Variants in CRIM1 observed in about 807,000 individuals in gnomAD.
The protein encoded by CRIM1 is cysteine-rich motor neuron 1 protein.
Under a neutral mutation model 116.4 loss-of-function variants are expected in CRIM1, and 32 were observed. That is an observed-to-expected ratio of 0.27 (90% CI 0.21 to 0.37). The LOEUF is 0.37. Among genes scored for constraint, CRIM1 ranks in the 10% least tolerant of loss-of-function variants. CRIM1 has a pLI of 1.00. For missense variants in CRIM1, 1,331 were observed against 1,354.8 expected (o/e 0.98, Z 0.28); for synonymous variants, 590 against 509.2 (o/e 1.16, Z -2.13).
chr2:36,542,352 GAT>G (rs1368754040), intron 14 of CRIM1, among the ~76,000 whole-genome samples: 4 of 152,232 alleles, frequency 2.6e-5, no homozygotes, highest in Non-Finnish European at 1.5e-5. Context: ...ACCATAGACA[GAT>G]CCTTCTAACT....
chr2:36,489,896 A>G (rs72866831), intron 7 of CRIM1, among the ~76,000 whole-genome samples: 198 of 152,334 alleles, frequency 1.3e-3, no homozygotes, highest in African/African-American at 4.6e-3. Flanking sequence ...TCTTGGAGAC[A>G]TCATAGACAT....
At chr2:36,468,234 T>A (rs1022703373) in intron 5 of CRIM1, among the ~76,000 whole-genome samples, 2 of 152,218 alleles carry the variant, frequency 1.3e-5, no homozygotes, top group African/African-American at 4.8e-5. Flanking sequence ...ATCCATATGC[T>A]TATGTTTTTT....
intron 1 of CRIM1, among the ~76,000 whole-genome samples, chr2:36,363,902 C>G (rs148443616): frequency 2.0e-5 from 3 of 152,272 alleles, no homozygotes; most frequent in African/African-American, 7.2e-5. Flanking sequence ...CTAGGCAAAA[C>G]CAGAAGTCAG....
chr2:36,361,004 C>A (rs1055840997), intron 1 of CRIM1, among the ~76,000 whole-genome samples: 2 of 151,990 alleles, frequency 1.3e-5, no homozygotes, highest in Non-Finnish European at 2.9e-5. Flanking sequence ...GAGAAACCAA[C>A]GAAGTAAACA....
At chr2:36,425,847 T>C (rs568599325) in intron 2 of CRIM1, among the ~76,000 whole-genome samples, 1 of 152,316 alleles carries the variant, frequency 6.6e-6, no homozygotes, top group South Asian at 2.1e-4. Flanking sequence ...TTGCAATTCA[T>C]TGCTTTAACA....
intron 8 of CRIM1, among the ~76,000 whole-genome samples, chr2:36,506,133 G>GCGCA (rs1553326535): frequency 7.3e-6 from 1 of 136,422 alleles, no homozygotes; most frequent in Non-Finnish European, 1.5e-5. Context: ...ATTGCAGGGT[G>GCGCA]CACACACACA....
At chr2:36,380,915 C>T (rs548901119) in intron 1 of CRIM1, among the ~76,000 whole-genome samples, 11 of 152,226 alleles carry the variant, frequency 7.2e-5, no homozygotes, top group Non-Finnish European at 1.5e-4. Context: ...ACCATGTCTG[C>T]AGTTATGGCC....
At chr2:36,415,410 T>C (rs1673536877) in intron 2 of CRIM1, among the ~76,000 whole-genome samples, 1 of 152,234 alleles carries the variant, frequency 6.6e-6, no homozygotes, top group Non-Finnish European at 1.5e-5. Context: ...AGCTCTTGGT[T>C]ACAGCTCTTC....
intron 1 of CRIM1, among the ~76,000 whole-genome samples, chr2:36,388,282 T>A (rs1053084958): frequency 6.6e-6 from 1 of 152,168 alleles, no homozygotes. Flanking sequence ...TCCTGGAAAG[T>A]GATATTTATT....
intron 4 of CRIM1, among the ~76,000 whole-genome samples, chr2:36,447,936 C>G (rs1269328543): frequency 6.6e-6 from 1 of 152,234 alleles, no homozygotes; most frequent in Non-Finnish European, 1.5e-5. Flanking sequence ...GTTAAGCCCC[C>G]TGTGTGCCCA....
intron 1 of CRIM1, among the ~76,000 whole-genome samples, chr2:36,387,181 C>G (rs1402972040): frequency 6.6e-6 from 1 of 152,182 alleles, no homozygotes; most frequent in Non-Finnish European, 1.5e-5. Flanking sequence ...TAAAGCACCT[C>G]TGTAGGAGGA....
At chr2:36,546,261 ATG>A (rs1667317623) in intron 15 of CRIM1, among the ~76,000 whole-genome samples, 1 of 152,206 alleles carries the variant, frequency 6.6e-6, no homozygotes. Context: ...CCCTATTGGT[ATG>A]TGTTTAACCT....
intron 11 of CRIM1, among the ~76,000 whole-genome samples, chr2:36,515,912 C>G (rs867700): frequency 0.012 from 1,845 of 152,290 alleles, 42 homozygotes; most frequent in African/African-American, 0.043. Flanking sequence ...CTTTTTGTTT[C>G]TCTGTAAACC....
At chr2:36,417,374 AT>A (rs1030106956) in intron 2 of CRIM1, among the ~76,000 whole-genome samples, 1 of 152,064 alleles carries the variant, frequency 6.6e-6, no homozygotes, top group Admixed American at 6.6e-5. Context: ...ACATATTTCA[AT>A]TTTTTACTCA....
chr2:36,379,535 C>T (rs1670569691), intron 1 of CRIM1, among the ~76,000 whole-genome samples: 1 of 152,146 alleles, frequency 6.6e-6, no homozygotes, highest in African/African-American at 2.4e-5. Context: ...GAGCAGCGTG[C>T]AGAGGTAATG....
chr2:36,375,963 T>A (rs1033929116), intron 1 of CRIM1, among the ~76,000 whole-genome samples: 3 of 152,204 alleles, frequency 2.0e-5, no homozygotes, highest in Non-Finnish European at 4.4e-5. Context: ...AATAAATATT[T>A]GGCACCCACC....
At chr2:36,479,264 A>G (rs558957923) in intron 6 of CRIM1, among the ~76,000 whole-genome samples, 20 of 152,294 alleles carry the variant, frequency 1.3e-4, no homozygotes, top group Non-Finnish European at 2.4e-4. Context: ...TTTTTAGACT[A>G]CAGATCCTCT....
At chr2:36,523,604 C>A (rs1665563365) in intron 13 of CRIM1, among the ~76,000 whole-genome samples, 1 of 152,194 alleles carries the variant, frequency 6.6e-6, no homozygotes, top group African/African-American at 2.4e-5. Context: ...AAGACAATGA[C>A]ACGTCTTAAT....
At chr2:36,395,766 T>C (rs1450501124) in intron 1 of CRIM1, among the ~76,000 whole-genome samples, 1 of 152,162 alleles carries the variant, frequency 6.6e-6, no homozygotes, top group East Asian at 1.9e-4. Flanking sequence ...GGCTTTGGGT[T>C]GGCAGTGATG....
Sources: gnomAD v4.1 joint callset for allele counts (sites outside exome capture counted in the v4.1 genomes callset) on GRCh38, gnomAD v4.1.1 for gene constraint, MANE v1.5 for transcripts, NCBI Gene and HGNC (gene_info 2026-07-23, HGNC 2026-07-21) for gene names.